TRRAP: variants seen among roughly 807,000 people sequenced by gnomAD.
TRRAP encodes transformation/transcription domain-associated protein.
Under a neutral mutation model 438.8 loss-of-function variants are expected in TRRAP, and 41 were observed. The observed-to-expected ratio is 0.09, with a 90% CI of 0.07 to 0.12. TRRAP has a LOEUF of 0.12. Ranked by LOEUF, TRRAP falls within the 10% of genes least tolerant of loss-of-function variation. TRRAP has a pLI of 1.00. For synonymous variants in TRRAP, 1,994 were observed against 1,962.9 expected, an observed-to-expected ratio of 1.02 and a Z score of -0.42; for missense variants, 3,122 against 5,055.1, an observed-to-expected ratio of 0.62 and a Z score of 11.60.
chr7:98,881,848 A>G (rs1795453170), intron 2 of TRRAP, 127 bp from the exon 3 acceptor site: 3 of 997,118 alleles, frequency 3.0e-6, no homozygotes, highest in Admixed American at 5.6e-5. Context: ...TGTGCCTTCT[A>G]TTAGGCCATG....
intron 52 of TRRAP, among the ~76,000 whole-genome samples, chr7:98,971,538 A>C (rs1481191542): frequency 6.6e-6 from 1 of 152,220 alleles, no homozygotes; most frequent in Non-Finnish European, 1.5e-5. Context: ...TATTCTTTTA[A>C]ATTGTGCTTT....
rs904489818 is a variant in TRRAP at position 98,994,974 on chromosome 7, C to A, written c.10309+126C>A. 3 of 1,352,174 alleles carry A rather than the reference C, an allele frequency of 2.2e-6. No individual in the cohort carries two copies. Among genetic ancestry groups the A allele is most frequent in the Non-Finnish European group, 3.0e-6 (3 of 995,416 alleles). 83.8% of individuals were successfully genotyped at this position (1,352,174 alleles called of 1,614,324 possible). ...CTGCACGGGGCACACTGGTTACACT[C>A]TGTTTACAGTGCAGACTTCAGAGTG... On this transcript the variant is annotated intron_variant, in intron 67 of 72. Coordinates refer to ENST00000456197, the MANE Select transcript of TRRAP (RefSeq NM_001375524.1). The surrounding 1 kb of genome is among the most constrained non-coding windows in gnomAD (Gnocchi z 4.8).
At chr7:98,975,267 A>G (rs946110253) in intron 53 of TRRAP, among the ~76,000 whole-genome samples, 11 of 152,212 alleles carry the variant, frequency 7.2e-5, no homozygotes, top group African/African-American at 1.9e-4. Flanking sequence ...GAATGTGCCC[A>G]TGGTTTCCCC....
In TRRAP at chr7:98,935,690, A is replaced by G. The variant is rs1790524807; in HGVS notation, c.4111+15A>G. 1.6e-5 allele frequency: 26 copies of G among 1,576,512 alleles called. No homozygotes were observed. Among genetic ancestry groups the G allele is most frequent in the Non-Finnish European group, 2.2e-5 (25 of 1,151,370 alleles). On this transcript the variant is annotated intron_variant, in intron 28 of 72. Transcript: ENST00000456197. ...TGCGGCATTAAGTAAGTTAATGAAAATCTACGGGGTATAAAAGTGAAAGGA... is the reference window on the plus strand; with the variant it reads ...TGCGGCATTAAGTAAGTTAATGAAAGTCTACGGGGTATAAAAGTGAAAGGA...
chr7:98,911,987 G>T, intron 17 of TRRAP, 35 bp from the exon 18 acceptor site: 2 of 1,585,970 alleles, frequency 1.3e-6, no homozygotes, highest in Non-Finnish European at 1.7e-6. Context: ...TTGGGGAAGG[G>T]ATTAATTTTT....
intron 13 of TRRAP, among the ~76,000 whole-genome samples, chr7:98,907,805 C>G (rs1050446245): frequency 6.7e-6 from 1 of 149,076 alleles, no homozygotes; most frequent in Non-Finnish European, 1.5e-5. Context: ...CATCCCTGAC[C>G]TGCTTCAGCC....
At chr7:98,921,612 G>A (rs868953509) in intron 20 of TRRAP, 141 bp from the exon 21 acceptor site, 1 of 1,056,594 alleles carries the variant, frequency 9.5e-7, no homozygotes. Context: ...CTGACGTCAG[G>A]TGATCTACCC....
chr7:98,984,104 G>T lies in TRRAP; in HGVS notation c.9034G>T (p.Ala3012Ser), dbSNP rs768036608. The T allele has an allele frequency of 6.2e-7, 1 of 1,606,686 alleles. No individual in the cohort carries two copies. The highest frequency in any genetic ancestry group is 2.2e-5 in the East Asian group (1 of 44,744). The change falls in exon 61 of 73, where the codon GCC (alanine) becomes TCC (serine). Residue 3012 changes from alanine to serine, a missense_variant. Physicochemically the swap from Ala to Ser is moderately conservative, Grantham distance 99. Transcript: ENST00000456197. Reference protein sequence around the residue: ...RQHHYQAIVTAYENSSQHDPS... With the variant: ...RQHHYQAIVTSYENSSQHDPS... ...TCTTTGCCCTCTAGCGATTGTAACT[G>T]CCTATGAGAATAGCTCTCAGCATGA...
intron 31 of TRRAP, among the ~76,000 whole-genome samples, chr7:98,945,082 G>A (rs1193214352): frequency 1.3e-5 from 2 of 152,192 alleles, no homozygotes; most frequent in Non-Finnish European, 2.9e-5. Context: ...TGGGATTACA[G>A]GCGTGAGTGA....
intron 22 of TRRAP, among the ~76,000 whole-genome samples, chr7:98,926,221 CATA>C (rs1386408161): frequency 2.0e-5 from 3 of 152,158 alleles, no homozygotes; most frequent in African/African-American, 7.2e-5. Context: ...AGCAGAGAGA[CATA>C]ATGACTGAGA....
At chr7:99,006,643 G>A (rs1794174718) in intron 69 of TRRAP, among the ~76,000 whole-genome samples, 1 of 152,196 alleles carries the variant, frequency 6.6e-6, no homozygotes, top group African/African-American at 2.4e-5. Context: ...AGAATCATCT[G>A]TGTGCACTTC....
intron 13 of TRRAP, among the ~76,000 whole-genome samples, chr7:98,907,483 G>C (rs1796832729): frequency 6.6e-6 from 1 of 152,166 alleles, no homozygotes; most frequent in Non-Finnish European, 1.5e-5. Flanking sequence ...CTTTGAATAT[G>C]ATGCAGTTTT....
chr7:98,885,871 T>C (rs575676327), intron 3 of TRRAP, among the ~76,000 whole-genome samples: 1 of 152,200 alleles, frequency 6.6e-6, no homozygotes, highest in Non-Finnish European at 1.5e-5. Flanking sequence ...GGATTAAATA[T>C]CTGTAAATAT....
At position 98,994,756 on chromosome 7, in the gene TRRAP, TCTC is replaced by T; in HGVS notation, c.10219_10221del (p.Ser3408del). On this transcript the variant is annotated inframe_deletion, in exon 67 of 73. Transcript: ENST00000456197. This position sits in a 1 kb window ranked among gnomAD's most constrained non-coding sequence, Gnocchi z 4.8. ...AATGTGTCCAACGTCTCGACCATGT[TCTC>T]CAGCGCAGCCTCTGAGTCTCTGGCC... The T allele has an allele frequency of 6.2e-7, 1 of 1,614,178 alleles. No homozygotes were observed. Among genetic ancestry groups the T allele is most frequent in the South Asian group, 1.1e-5 (1 of 91,078 alleles).
Position 98,994,406 on chromosome 7 carries a change from T to C in TRRAP, c.10048-181T>C, listed in dbSNP as rs1793560226. On this transcript the variant is annotated intron_variant, in intron 66 of 72. Transcript: ENST00000456197. The surrounding 1 kb of genome is among the most constrained non-coding windows in gnomAD (Gnocchi z 4.8). ...AAGGTCAAAAGCGCCTGCTCCCATGTGGCATGCACAGGCGTCCCGTTTCTT... is the reference window on the plus strand; with the variant it reads ...AAGGTCAAAAGCGCCTGCTCCCATGCGGCATGCACAGGCGTCCCGTTTCTT... Among the ~76,000 whole-genome samples, 3 of 152,214 alleles carry C rather than the reference T, an allele frequency of 2.0e-5. No homozygotes were observed.
At chr7:98,942,861 A>T in intron 30 of TRRAP, 88 bp from the exon 31 acceptor site, 1 of 1,436,440 alleles carries the variant, frequency 7.0e-7, no homozygotes, top group Non-Finnish European at 9.7e-7. Flanking sequence ...CACACTAAAC[A>T]CGATGGAAAT....
chr7:98,993,603 A>G lies in TRRAP; in HGVS notation c.9913A>G (p.Ile3305Val). 6.2e-7 allele frequency: 1 copy of G among 1,614,178 alleles called. No individual in the cohort carries two copies. Among genetic ancestry groups the G allele is most frequent in the Admixed American group, 1.7e-5 (1 of 60,034 alleles). The change falls in exon 66 of 73, where the codon ATA becomes GTA. Residue 3305 changes from isoleucine to valine, a missense_variant. Around this residue, in one of 24 missense-constraint regions of TRRAP, gnomAD observed 107 missense variants for 327.5 expected, o/e 0.33. Coordinates refer to ENST00000456197, the MANE Select transcript of TRRAP (RefSeq NM_001375524.1). The part of the protein sequence containing the change: ...QSHSASDPGP[I>V]RATAPMWRCS... ...CCATTCTGCATCAGATCCAGGGCCC[A>G]TAAGAGCAACAGCACCCATGTGGCG... is the stretch of plus-strand genomic sequence containing the variant.
chr7:98,983,136 A>C (rs1793005362), intron 59 of TRRAP, 128 bp from the exon 60 acceptor site: 1 of 841,682 alleles, frequency 1.2e-6, no homozygotes, highest in Non-Finnish European at 1.8e-6. Context: ...TGTAAATGAG[A>C]GTGCTTCCTT....
chr7:98,931,763 G>C, intron 26 of TRRAP, 98 bp downstream of exon 26: 2 of 1,516,166 alleles, frequency 1.3e-6, no homozygotes, highest in South Asian at 1.3e-5. Flanking sequence ...ATAATTTTGT[G>C]TCTTGGTATC....
Sources: gnomAD v4.1 joint callset for allele counts (sites outside exome capture counted in the v4.1 genomes callset) on GRCh38, gnomAD v4.1.1 for gene constraint, gnomAD v4.1.1 regional missense constraint, Gnocchi (gnomAD v3.1) non-coding constraint, MANE v1.5 for transcripts, NCBI Gene and HGNC (gene_info 2026-07-23, HGNC 2026-07-21) for gene names.